PXYLP1: variants seen among roughly 807,000 people sequenced by gnomAD.
PXYLP1 encodes the protein 2-phosphoxylose phosphatase 1, also known as acid phosphatase-like 2.
Under a neutral mutation model 37.9 loss-of-function variants are expected in PXYLP1, and 17 were observed. The observed-to-expected ratio is 0.45, with a 90% CI of 0.31 to 0.67. The LOEUF is 0.67. Ranked by LOEUF, PXYLP1 falls within the 30% of genes least tolerant of loss-of-function variation. The pLI is 0.07. For missense variants in PXYLP1, 511 were observed against 612.0 expected, an observed-to-expected ratio of 0.84 and a Z score of 1.74; for synonymous variants, 221 against 232.2, an observed-to-expected ratio of 0.95 and a Z score of 0.44.
At chr3:141,266,713 C>T (rs1300709340) in intron 2 of PXYLP1, among the ~76,000 whole-genome samples, 15 of 71,764 alleles carry the variant, frequency 2.1e-4, no homozygotes, top group African/African-American at 8.2e-4. Context: ...GGAGAGACGG[C>T]GGGGGGAGAG....
At position 141,292,479 on chromosome 3, in the gene PXYLP1, G is replaced by C. The variant is rs143554882; in HGVS notation, c.717G>C (p.Leu239=). ...ATTTCAGGCACCAGCCAAGTGCGCT[G>C]TTCTGCTCTGGAAGCTGCTATTGCC... ...KIYFRHQPSA[L]FCSGSCYCPV... The change falls in exon 6 of 6, where the codon CTG becomes CTC. Residue 239 remains leucine (L), a synonymous_variant. Transcript: ENST00000286353. The surrounding 1 kb of genome is among the most constrained non-coding windows in gnomAD (Gnocchi z 4.3). 1.3e-5 allele frequency: 21 copies of C among 1,614,222 alleles called. No homozygotes were observed. In the African/African-American group the frequency reaches 2.4e-4, roughly 18 times the overall value.
At chr3:141,265,089 G>A (rs571289793) in intron 2 of PXYLP1, among the ~76,000 whole-genome samples, 80 of 152,254 alleles carry the variant, frequency 5.3e-4, no homozygotes, top group Middle Eastern at 3.4e-3. Flanking sequence ...GGTGCTCCTG[G>A]CCAAATGTGC....
At chr3:141,252,167 G>C (rs940367969) in intron 1 of PXYLP1, among the ~76,000 whole-genome samples, 1 of 152,078 alleles carries the variant, frequency 6.6e-6, no homozygotes, top group Non-Finnish European at 1.5e-5. Flanking sequence ...TGGGATTTGT[G>C]GGGTGTGGCC....
intron 1 of PXYLP1, among the ~76,000 whole-genome samples, chr3:141,243,473 A>G (rs920852320): frequency 6.6e-6 from 1 of 152,220 alleles, no homozygotes. Context: ...AAGGCCTGTC[A>G]TCCACGGTAC....
At position 141,292,188 on chromosome 3, in the gene PXYLP1, C is replaced by A; in HGVS notation, c.506-80C>A. The A allele has an allele frequency of 1.5e-6, 2 of 1,367,426 alleles. No individual in the cohort carries two copies. The highest frequency in any genetic ancestry group is 1.0e-6 in the Non-Finnish European group (1 of 998,434). 84.7% of individuals were successfully genotyped at this position (1,367,426 alleles called of 1,614,324 possible). Reference sequence around the variant, plus strand: ...TCTCTTGCCCTAAAACACTCCAGAGCCACACGCTGACTCCACCTCCCCTTG... The same window carrying A: ...TCTCTTGCCCTAAAACACTCCAGAGACACACGCTGACTCCACCTCCCCTTG... On this transcript the variant is annotated intron_variant, in intron 5 of 5. Transcript: ENST00000286353. This position sits in a 1 kb window ranked among gnomAD's most constrained non-coding sequence, Gnocchi z 4.3.
chr3:141,285,148 T>TTTTC (rs1553754984), intron 4 of PXYLP1, among the ~76,000 whole-genome samples: 27 of 135,034 alleles, frequency 2.0e-4, no homozygotes, highest in African/African-American at 7.5e-4. Flanking sequence ...CTTTTTCTTT[T>TTTTC]TTTTTTTTTT....
chr3:141,257,155 A>G (rs1011021671), intron 1 of PXYLP1, among the ~76,000 whole-genome samples: 2 of 152,224 alleles, frequency 1.3e-5, no homozygotes, highest in African/African-American at 4.8e-5. Flanking sequence ...CCTGGTGAAG[A>G]TTCAAGGCAT....
chr3:141,242,935 C>T (rs1285103518), intron 1 of PXYLP1, among the ~76,000 whole-genome samples: 1 of 152,204 alleles, frequency 6.6e-6, no homozygotes, highest in East Asian at 1.9e-4. Flanking sequence ...TGGCATAGAG[C>T]AGATGCTCAG....
chr3:141,268,581 G>T (rs1369222506), intron 2 of PXYLP1, among the ~76,000 whole-genome samples: 1 of 152,200 alleles, frequency 6.6e-6, no homozygotes, highest in Non-Finnish European at 1.5e-5. Context: ...CTGATCAGAG[G>T]CAGAGCCCTG....
intron 1 of PXYLP1, among the ~76,000 whole-genome samples, chr3:141,238,539 A>G (rs1227065679): frequency 6.6e-6 from 1 of 152,232 alleles, no homozygotes; most frequent in African/African-American, 2.4e-5. Context: ...CTGGAAAACC[A>G]GTCATCAGTT....
At chr3:141,283,487 G>A (rs1327024294) in intron 4 of PXYLP1, among the ~76,000 whole-genome samples, 1 of 152,180 alleles carries the variant, frequency 6.6e-6, no homozygotes, top group Non-Finnish European at 1.5e-5. Context: ...AAAGGGGCCA[G>A]GGATGTTGCA....
intron 1 of PXYLP1, among the ~76,000 whole-genome samples, chr3:141,253,973 G>C (rs374497369): frequency 5.3e-5 from 8 of 151,772 alleles, no homozygotes; most frequent in African/African-American, 1.7e-4. Flanking sequence ...ACGCAGTGGC[G>C]CAATCTCAGC....
chr3:141,259,993 G>A (rs1941351498), intron 1 of PXYLP1, 130 bp from the exon 2 acceptor site: 2 of 645,384 alleles, frequency 3.1e-6, no homozygotes, highest in Non-Finnish European at 5.3e-6. Flanking sequence ...TCCAGCTAGA[G>A]ATGCATGCTT....
intron 4 of PXYLP1, among the ~76,000 whole-genome samples, chr3:141,285,126 T>C (rs1467139365): frequency 1.5e-5 from 2 of 132,092 alleles, no homozygotes; most frequent in African/African-American, 2.9e-5. Flanking sequence ...GTCAAATGTT[T>C]TTTTTCTTTT....
intron 2 of PXYLP1, among the ~76,000 whole-genome samples, chr3:141,271,577 C>T (rs1183144737): frequency 6.6e-6 from 1 of 152,154 alleles, no homozygotes; most frequent in Non-Finnish European, 1.5e-5. Flanking sequence ...AACACTTTAG[C>T]CTCATCATGC....
chr3:141,266,713 CG>C (rs1367648515), intron 2 of PXYLP1, among the ~76,000 whole-genome samples: 2 of 71,764 alleles, frequency 2.8e-5, no homozygotes, highest in Admixed American at 1.5e-4. Flanking sequence ...GGAGAGACGG[CG>C]GGGGGAGAGA....
chr3:141,271,340 A>G (rs1476769324), intron 2 of PXYLP1, among the ~76,000 whole-genome samples: 1 of 152,236 alleles, frequency 6.6e-6, no homozygotes, highest in African/African-American at 2.4e-5. Context: ...AGCAGGGGCA[A>G]CTGAGGACAG....
At chr3:141,259,837 G>C (rs1321877749) in intron 1 of PXYLP1, among the ~76,000 whole-genome samples, 2 of 152,114 alleles carry the variant, frequency 1.3e-5, no homozygotes, top group African/African-American at 4.8e-5. Context: ...TTTTTCCTTG[G>C]GAAGGTCATG....
intron 2 of PXYLP1, chr3:141,262,277 G>A (rs1027478966): frequency 7.0e-6 from 7 of 993,178 alleles, no homozygotes; most frequent in Admixed American, 6.1e-5. Flanking sequence ...GTGGGCATCA[G>A]AAGTTTAAAA....
Sources: allele counts gnomAD v4.1 joint callset (sites outside exome capture counted in the v4.1 genomes callset), GRCh38; gene constraint gnomAD v4.1.1; non-coding constraint Gnocchi (gnomAD v3.1); transcripts MANE v1.5; gene names NCBI Gene and HGNC (gene_info 2026-07-23, HGNC 2026-07-21).